The following EMSY variants were observed in gnomAD, a reference collection of about 807,000 sequenced individuals.
EMSY encodes BRCA2-interacting transcriptional repressor EMSY.
Under a neutral mutation model 134.6 loss-of-function variants are expected in EMSY, and 26 were observed. The observed-to-expected ratio is 0.19, with a 90% CI of 0.14 to 0.27. The LOEUF (loss-of-function observed/expected upper bound fraction) is 0.27. EMSY is among the 10% of genes least tolerant of loss of function. The pLI is 1.00. For missense variants in EMSY, 1,305 were observed against 1,611.4 expected (o/e 0.81, Z 3.26); for synonymous variants, 579 against 577.8 (o/e 1.00, Z -0.03).
At chr11:76,496,891 T>C (rs1949679040) in intron 9 of EMSY, 1 of 298,826 alleles carries the variant, frequency 3.3e-6, no homozygotes, top group African/African-American at 2.3e-5. Context: ...CTTTTTGGTG[T>C]TTTATTTTAT....
At chr11:76,510,049 C>G (rs1297115020) in intron 9 of EMSY, among the ~76,000 whole-genome samples, 1 of 152,148 alleles carries the variant, frequency 6.6e-6, no homozygotes, top group African/African-American at 2.4e-5. Flanking sequence ...AAGACGCTGT[C>G]TCTAATAAAA....
chr11:76,505,787 G>T (rs1290790907), intron 9 of EMSY, among the ~76,000 whole-genome samples: 4 of 151,998 alleles, frequency 2.6e-5, no homozygotes, highest in Admixed American at 1.3e-4. Flanking sequence ...AACCCGGGGG[G>T]TGGAGCTTGC....
At chr11:76,483,262 A>G (rs1013092068) in intron 8 of EMSY, among the ~76,000 whole-genome samples, 6 of 152,236 alleles carry the variant, frequency 3.9e-5, no homozygotes, top group African/African-American at 7.2e-5. Flanking sequence ...AGCACTAAAC[A>G]TGGAAAGGAA....
chr11:76,472,741 GGCA>G, exon 8 of EMSY: 1 of 1,614,084 alleles, frequency 6.2e-7, no homozygotes, highest in Non-Finnish European at 8.5e-7. Flanking sequence ...TAGCAGCAGT[GGCA>G]GCAGCAGTTC....
At chr11:76,505,286 C>T (rs1950027656) in intron 9 of EMSY, among the ~76,000 whole-genome samples, 1 of 150,372 alleles carries the variant, frequency 6.7e-6, no homozygotes, top group South Asian at 2.1e-4. Flanking sequence ...ACTTACGCCT[C>T]CTGGGTTCAA....
intron 8 of EMSY, among the ~76,000 whole-genome samples, chr11:76,487,133 A>G (rs1949220234): frequency 6.6e-6 from 1 of 152,292 alleles, no homozygotes; most frequent in Non-Finnish European, 1.5e-5. Context: ...ACAAAAAATT[A>G]GCTGGGCCTG....
At chr11:76,501,479 A>T (rs534955899) in intron 9 of EMSY, among the ~76,000 whole-genome samples, 8 of 152,362 alleles carry the variant, frequency 5.3e-5, no homozygotes, top group Admixed American at 1.3e-4. Flanking sequence ...AGATCAATAA[A>T]GAGATAGAAA....
exon 13 of EMSY, chr11:76,526,544 T>G: frequency 6.2e-7 from 1 of 1,613,900 alleles, no homozygotes; most frequent in Non-Finnish European, 8.5e-7. Flanking sequence ...AAAATGATTG[T>G]AACGCAGCCA....
chr11:76,446,691 C>G (rs987958549), intron 1 of EMSY, among the ~76,000 whole-genome samples: 1 of 152,182 alleles, frequency 6.6e-6, no homozygotes, highest in African/African-American at 2.4e-5. Context: ...GTGTCTGGCT[C>G]TAAAGCCTGT....
At chr11:76,477,330 A>G (rs192897946) in intron 8 of EMSY, among the ~76,000 whole-genome samples, 1 of 141,716 alleles carries the variant, frequency 7.1e-6, no homozygotes, top group East Asian at 2.0e-4. Context: ...AATTTTTGCT[A>G]AATTTTATTT....
intron 8 of EMSY, among the ~76,000 whole-genome samples, chr11:76,486,049 C>T (rs1165041455): frequency 4.6e-5 from 7 of 152,240 alleles, no homozygotes; most frequent in Non-Finnish European, 4.4e-5. Context: ...GGCACGTATA[C>T]ACCATGGAAT....
At chr11:76,470,365 T>G (rs562228399) in intron 7 of EMSY, among the ~76,000 whole-genome samples, 1 of 152,220 alleles carries the variant, frequency 6.6e-6, no homozygotes, top group Non-Finnish European at 1.5e-5. Flanking sequence ...TTCTAAATAA[T>G]TTTTGTGTTC....
intron 11 of EMSY, among the ~76,000 whole-genome samples, chr11:76,521,488 C>T (rs886705293): frequency 1.3e-5 from 2 of 152,138 alleles, no homozygotes; most frequent in Admixed American, 6.5e-5. Context: ...ACAGGCCAAG[C>T]CTGGTGGCTC....
At chr11:76,485,127 G>A (rs1210814382) in intron 8 of EMSY, among the ~76,000 whole-genome samples, 1 of 152,048 alleles carries the variant, frequency 6.6e-6, no homozygotes, top group African/African-American at 2.4e-5. Context: ...GTACAAAGAG[G>A]AGCTGCTACC....
At chr11:76,542,523 C>T (rs577546665) in intron 18 of EMSY, among the ~76,000 whole-genome samples, 156 bp downstream of exon 19, 2 of 152,158 alleles carry the variant, frequency 1.3e-5, no homozygotes, top group African/African-American at 2.4e-5. Flanking sequence ...AATTAAGAGT[C>T]TTAACACCAG....
exon 13 of EMSY, chr11:76,526,565 G>A (rs375549236): frequency 1.9e-6 from 3 of 1,613,636 alleles, no homozygotes; most frequent in African/African-American, 2.7e-5. Flanking sequence ...AAAGGAATAG[G>A]TTCTACAGTT....
intron 8 of EMSY, among the ~76,000 whole-genome samples, chr11:76,478,263 G>A (rs1215437750): frequency 6.6e-6 from 1 of 151,684 alleles, no homozygotes; most frequent in Admixed American, 6.6e-5. Context: ...AGAACAAAGC[G>A]CTACCAGTAA....
intron 14 of EMSY, among the ~76,000 whole-genome samples, chr11:76,528,702 T>C (rs1252797121): frequency 1.3e-5 from 2 of 152,048 alleles, no homozygotes; most frequent in Non-Finnish European, 2.9e-5. Context: ...TAACTTTAGA[T>C]GATGAATCTG....
intron 19 of EMSY, 124 bp from the exon 21 acceptor site, chr11:76,545,673 A>G: frequency 8.3e-7 from 1 of 1,206,006 alleles, no homozygotes; most frequent in Non-Finnish European, 1.1e-6. Context: ...TAAAACAGCA[A>G]GCTTCAAAAC....
Sources: allele counts gnomAD v4.1 joint callset (sites outside exome capture counted in the v4.1 genomes callset), GRCh38; gene constraint gnomAD v4.1.1; transcripts MANE v1.5; gene names NCBI Gene and HGNC (gene_info 2026-07-23, HGNC 2026-07-21).